The following MCUB variants were observed in gnomAD, a reference collection of about 807,000 sequenced individuals.
MCUB encodes mitochondrial calcium uniporter dominant negative subunit beta, also known as calcium uniporter regulatory subunit MCUb, mitochondrial.
MCUB carries 46 observed loss-of-function variants against 41.4 expected under a neutral mutation model. That is an observed-to-expected ratio of 1.11 (90% CI 0.88 to 1.42). The LOEUF (loss-of-function observed/expected upper bound fraction) is 1.42. Ranked by LOEUF, MCUB falls within the 40% of genes most tolerant of loss-of-function variation. The probability of loss-of-function intolerance (pLI) is 0.00; values close to 1 mark genes in which losing one functional copy is unlikely to be tolerated. For missense variants in MCUB, 403 were observed against 404.9 expected, an observed-to-expected ratio of 1.00 and a Z score of 0.04; for synonymous variants, 148 against 148.2, an observed-to-expected ratio of 1.00 and a Z score of 0.01.
rs1729802246 is a variant in MCUB at position 109,684,883 on chromosome 4, AAT to A, written c.816+240_816+241del. 10 of 446,086 alleles carry A rather than the reference AAT, an allele frequency of 2.2e-5. No homozygotes were observed. The South Asian group carries it at 4.2e-4, about 19-fold the overall frequency. The allele number at this position is 446,086 out of a possible 1,614,324, so 27.6% of individuals were successfully genotyped here. A position where few individuals can be genotyped will look rare whatever the true frequency, so the allele number is the denominator to read the frequency against. ...ACACACAAATTCCTCCATTGGGATA[AAT>A]ATGTGTTCTCTGTGCCCTCATTTAT... On this transcript the variant is annotated intron_variant, in intron 6 of 7. Coordinates refer to ENST00000394650, the MANE Select transcript of MCUB (RefSeq NM_017918.5).
At chr4:109,581,534 G>T (rs1424145015) in intron 1 of MCUB, among the ~76,000 whole-genome samples, 1 of 152,156 alleles carries the variant, frequency 6.6e-6, no homozygotes, top group African/African-American at 2.4e-5. Flanking sequence ...TGACAAATGG[G>T]ATCTAATTAA....
At chr4:109,563,423 G>A (rs1246699254) in intron 1 of MCUB, among the ~76,000 whole-genome samples, 1 of 151,998 alleles carries the variant, frequency 6.6e-6, no homozygotes, top group Non-Finnish European at 1.5e-5. Flanking sequence ...TGAACATATC[G>A]TTCTTGTTTG....
At chr4:109,685,149 G>A (rs1436726231) in intron 6 of MCUB, 102 bp from the exon 7 acceptor site, 2 of 626,590 alleles carry the variant, frequency 3.2e-6, no homozygotes, top group Admixed American at 2.4e-5. Context: ...TCATTCATCT[G>A]CCTTCTTTTG....
rs1302647497 is a variant in MCUB, at chr4:109,560,337, G to A, written c.-1G>A. 29 of 1,261,794 alleles carry A rather than the reference G, an allele frequency of 2.3e-5. No individual in the cohort carries two copies. The highest frequency in any genetic ancestry group is 2.9e-5 in the Non-Finnish European group (29 of 1,002,594). The allele number at this position is 1,261,794 out of a possible 1,614,324, so 78.2% of individuals were successfully genotyped here. A position where few individuals can be genotyped will look rare whatever the true frequency, so the allele number is the denominator to read the frequency against. On this transcript the variant is annotated 5_prime_UTR_variant, in exon 1 of 8. Coordinates refer to ENST00000394650, the MANE Select transcript of MCUB (RefSeq NM_017918.5). ...GGGAGCCGCGCGCCTGGGGCGGGAG[G>A]ATGCTCCAGAGGGGCCTCTGGCCGT...
At chr4:109,631,142 C>T (rs966834670) in intron 1 of MCUB, among the ~76,000 whole-genome samples, 1 of 152,214 alleles carries the variant, frequency 6.6e-6, no homozygotes, top group Non-Finnish European at 1.5e-5. Context: ...GATAATCTTT[C>T]AGAGGAAGCA....
intron 1 of MCUB, among the ~76,000 whole-genome samples, chr4:109,611,179 G>A (rs1728000665): frequency 2.0e-5 from 3 of 152,138 alleles, no homozygotes; most frequent in Admixed American, 1.3e-4. Flanking sequence ...TCTCTGTCAT[G>A]GAGAGAGTGG....
rs923093532 is a variant in MCUB at position 109,659,216 on chromosome 4, G to C, written c.175+130G>C. 3 of 621,890 alleles carry C rather than the reference G, an allele frequency of 4.8e-6. No individual in the cohort carries two copies. In the Admixed American group the frequency reaches 8.2e-5, roughly 17 times the overall value. The allele number at this position is 621,890 out of a possible 1,614,324, so 38.5% of individuals were successfully genotyped here. ...CCCCATCCCACCCCACCCTGATTGG[G>C]TTCACTTCCACCTTTTTGTGCTCCC... is the stretch of plus-strand genomic sequence containing the variant. On this transcript the variant is annotated intron_variant, in intron 2 of 7. Transcript: ENST00000394650.
chr4:109,652,056 T>A (rs1425602480), intron 1 of MCUB, among the ~76,000 whole-genome samples: 2 of 152,268 alleles, frequency 1.3e-5, no homozygotes, highest in Admixed American at 6.5e-5. Context: ...TGTACATGGC[T>A]GTTTTGTAAA....
At chr4:109,648,130 A>T (rs1728878063) in intron 1 of MCUB, among the ~76,000 whole-genome samples, 1 of 152,228 alleles carries the variant, frequency 6.6e-6, no homozygotes, top group African/African-American at 2.4e-5. Context: ...AACAGACGAC[A>T]GTAGGACAGG....
At position 109,678,500 on chromosome 4, in the gene MCUB, A is replaced by G. The variant is rs193209021; in HGVS notation, c.452-4082A>G. ...GGGCGGCCGGGCAGAGGCGCTCCCC[A>G]TTTCCCAGATGGGGCGGTGGCCGGG... On this transcript the variant is annotated intron_variant, in intron 4 of 7. Coordinates refer to ENST00000394650, the MANE Select transcript of MCUB (RefSeq NM_017918.5). Among the ~76,000 whole-genome samples the G allele has an allele frequency of 7.7e-3, 970 of 125,668 alleles. 18 individuals carry two copies. Among genetic ancestry groups the G allele is most frequent in the South Asian group, 0.066 (250 of 3,788 alleles). The allele number at this position is 125,668 out of a possible 152,430, so 82.4% of individuals were successfully genotyped here. A position where few individuals can be genotyped will look rare whatever the true frequency, so the allele number is the denominator to read the frequency against.
At chr4:109,635,478 C>T (rs1472356564) in intron 1 of MCUB, among the ~76,000 whole-genome samples, 1 of 152,158 alleles carries the variant, frequency 6.6e-6, no homozygotes, top group Non-Finnish European at 1.5e-5. Context: ...CATCATGGTG[C>T]CCTTCCTTTG....
At chr4:109,638,425 A>AT (rs1157853987) in intron 1 of MCUB, among the ~76,000 whole-genome samples, 2 of 152,064 alleles carry the variant, frequency 1.3e-5, no homozygotes, top group Non-Finnish European at 1.5e-5. Flanking sequence ...AAAAAAAAAA[A>AT]AAAACCATAC....
chr4:109,600,067 T>G (rs987785569), intron 1 of MCUB, among the ~76,000 whole-genome samples: 4 of 152,250 alleles, frequency 2.6e-5, no homozygotes, highest in Admixed American at 1.3e-4. Flanking sequence ...GAAAACTGTT[T>G]GTTGGACCAG....
intron 1 of MCUB, among the ~76,000 whole-genome samples, chr4:109,639,934 T>C (rs1728677894): frequency 6.6e-6 from 1 of 152,130 alleles, no homozygotes; most frequent in African/African-American, 2.4e-5. Context: ...TGAAGTCAGG[T>C]GTCACGTGCG....
intron 1 of MCUB, among the ~76,000 whole-genome samples, chr4:109,584,229 AT>A (rs1400935915): frequency 1.3e-5 from 2 of 152,050 alleles, no homozygotes; most frequent in African/African-American, 4.8e-5. Flanking sequence ...TTTCTAGTTT[AT>A]TTGCATAGAG....
chr4:109,580,600 T>C (rs1228963132), intron 1 of MCUB, among the ~76,000 whole-genome samples: 2 of 152,216 alleles, frequency 1.3e-5, no homozygotes, highest in African/African-American at 4.8e-5. Context: ...CATCTCATTG[T>C]GGTTTTGATT....
chr4:109,577,053 T>C (rs575411333), intron 1 of MCUB, among the ~76,000 whole-genome samples: 1 of 152,208 alleles, frequency 6.6e-6, no homozygotes, highest in Non-Finnish European at 1.5e-5. Flanking sequence ...GGTTTCGCCA[T>C]GTGGGCCAGG....
Position 109,688,707 on chromosome 4 carries a change from T to C in MCUB, c.*1115T>C, listed in dbSNP as rs1035392597. 1 of 152,204 alleles carries C rather than the reference T, an allele frequency of 6.6e-6. No individual in the cohort carries two copies. The highest frequency in any genetic ancestry group is 1.5e-5 in the Non-Finnish European group (1 of 68,038). The allele number at this position is 152,204 out of a possible 1,614,324, so 9.4% of individuals were successfully genotyped here. On this transcript the variant is annotated 3_prime_UTR_variant, in exon 8 of 8. Transcript: ENST00000394650. ...TTAAAAACATCAAACAATAAACTTT[T>C]ATAAAAAAGTGACAAAATACAAGTT...
chr4:109,685,954 G>A (rs996811382), intron 7 of MCUB, among the ~76,000 whole-genome samples: 4 of 152,032 alleles, frequency 2.6e-5, no homozygotes, highest in Admixed American at 6.5e-5. Context: ...GCACATCACT[G>A]GATTTTTCAT....
Sources: allele counts gnomAD v4.1 joint callset (sites outside exome capture counted in the v4.1 genomes callset), GRCh38; gene constraint gnomAD v4.1.1; transcripts MANE v1.5; gene names NCBI Gene and HGNC (gene_info 2026-07-23, HGNC 2026-07-21).